The following MAGI2 variants were observed in gnomAD, a reference collection of about 807,000 sequenced individuals.
MAGI2 encodes the protein membrane associated guanylate kinase, WW and PDZ domain containing 2.
MAGI2 carries 35 observed loss-of-function variants against 133.3 expected under a neutral mutation model. The observed-to-expected ratio is 0.26, with a 90% CI of 0.20 to 0.35. MAGI2 has a LOEUF of 0.35. Ranked by LOEUF, MAGI2 falls within the 10% of genes least tolerant of loss-of-function variation. The pLI is 1.00. For synonymous variants in MAGI2, 729 were observed against 710.6 expected (o/e 1.03, Z -0.41); for missense variants, 1,636 against 1,863.4 (o/e 0.88, Z 2.25).
intron 2 of MAGI2, among the ~76,000 whole-genome samples, chr7:78,729,392 T>G (rs1261504647): frequency 6.6e-6 from 1 of 152,126 alleles, no homozygotes; most frequent in East Asian, 1.9e-4. Flanking sequence ...CTAATGAAAC[T>G]AAAAGTCAAT....
intron 1 of MAGI2, among the ~76,000 whole-genome samples, chr7:79,434,781 G>T (rs1449143525): frequency 6.6e-6 from 1 of 152,190 alleles, no homozygotes; most frequent in African/African-American, 2.4e-5. Context: ...GGGGTCCCCA[G>T]CTATTTGGTC....
chr7:78,055,361 A>C (rs567882607), intron 21 of MAGI2, among the ~76,000 whole-genome samples: 74 of 152,196 alleles, frequency 4.9e-4, no homozygotes, highest in Admixed American at 1.2e-3. Context: ...TGCCACTTGC[A>C]GCTCCCAGTG....
chr7:79,330,486 C>T (rs1177338644), intron 1 of MAGI2, among the ~76,000 whole-genome samples: 1 of 152,016 alleles, frequency 6.6e-6, no homozygotes, highest in Non-Finnish European at 1.5e-5. Flanking sequence ...TGAGCCACTG[C>T]GCCCGGCCCA....
chr7:78,900,922 A>T (rs1797576200), intron 2 of MAGI2, among the ~76,000 whole-genome samples: 1 of 152,146 alleles, frequency 6.6e-6, no homozygotes, highest in Non-Finnish European at 1.5e-5. Flanking sequence ...GTCCCAGAAA[A>T]TTCTAGAATT....
chr7:79,306,009 T>C (rs1837762442), intron 1 of MAGI2, among the ~76,000 whole-genome samples: 1 of 150,722 alleles, frequency 6.6e-6, no homozygotes, highest in Admixed American at 6.6e-5. Flanking sequence ...TTTTTCCTTT[T>C]TGGAGACGAG....
intron 16 of MAGI2, among the ~76,000 whole-genome samples, chr7:78,151,482 A>G (rs944512802): frequency 6.6e-6 from 1 of 152,160 alleles, no homozygotes; most frequent in Admixed American, 6.6e-5. Flanking sequence ...CATTAAGGCC[A>G]CTGCCTGGCC....
chr7:79,422,075 C>T (rs1846998230), intron 1 of MAGI2, among the ~76,000 whole-genome samples: 1 of 151,960 alleles, frequency 6.6e-6, no homozygotes, highest in Admixed American at 6.6e-5. Flanking sequence ...AAGTAGGCAG[C>T]CTGGCAGGAC....
At chr7:78,110,732 C>T (rs1288405210) in intron 20 of MAGI2, among the ~76,000 whole-genome samples, 9 of 152,156 alleles carry the variant, frequency 5.9e-5, no homozygotes, top group Non-Finnish European at 1.3e-4. Context: ...CAGCAATGTT[C>T]CACAGGCAGG....
intron 1 of MAGI2, among the ~76,000 whole-genome samples, chr7:79,389,270 G>T (rs1844432042): frequency 6.6e-6 from 1 of 151,846 alleles, no homozygotes; most frequent in Non-Finnish European, 1.5e-5. Flanking sequence ...AAACGCTATG[G>T]TCAGTATGCC....
In MAGI2 at chr7:78,501,673, G is replaced by T; in HGVS notation, c.869C>A (p.Thr290Lys). Reference sequence around the variant, plus strand: ...ATTGTCTTCAGGTTTAGTTGGCTTTGTGTCATCCATCTGCTCCTTCAGCTC... The same window carrying T: ...ATTGTCTTCAGGTTTAGTTGGCTTTTTGTCATCCATCTGCTCCTTCAGCTC... The part of the protein sequence containing the change: ...PEELKEQMDD[T>K]KPTKPEDNEE... Residue 290 changes from threonine to lysine, a missense_variant, in exon 5 of 22, where the codon ACA (threonine) becomes AAA (lysine). Physicochemically the swap from Thr to Lys is moderately conservative, Grantham distance 78. This residue lies in a region of MAGI2 where 165 missense variants were observed against 128.4 expected (regional missense o/e 1.28). Coordinates refer to ENST00000354212, the MANE Select transcript of MAGI2 (RefSeq NM_012301.4). The T allele has an allele frequency of 1.9e-6, 3 of 1,614,058 alleles. No homozygotes were observed. The highest frequency in any genetic ancestry group is 2.5e-6 in the Non-Finnish European group (3 of 1,179,998).
chr7:78,435,202 G>A (rs946332366), intron 6 of MAGI2, among the ~76,000 whole-genome samples: 1 of 152,164 alleles, frequency 6.6e-6, no homozygotes, highest in Admixed American at 6.6e-5. Flanking sequence ...AATGTGTTAA[G>A]AAGGCCTAGC....
chr7:78,688,691 C>T (rs1029241621), intron 2 of MAGI2, among the ~76,000 whole-genome samples: 2 of 152,124 alleles, frequency 1.3e-5, no homozygotes, highest in East Asian at 3.9e-4. Context: ...TAAGCACTGG[C>T]TCCTTTGAAG....
chr7:78,996,439 T>C (rs916878861), intron 2 of MAGI2, among the ~76,000 whole-genome samples: 6 of 152,124 alleles, frequency 3.9e-5, no homozygotes, highest in African/African-American at 9.7e-5. Flanking sequence ...TTCTCACTTA[T>C]AAGTGGGAAC....
At chr7:78,294,944 C>T (rs1284270969) in intron 9 of MAGI2, among the ~76,000 whole-genome samples, 2 of 151,716 alleles carry the variant, frequency 1.3e-5, no homozygotes, top group African/African-American at 2.4e-5. Flanking sequence ...TGATATGTTA[C>T]CATTTTCAGT....
chr7:78,318,641 G>A (rs1339617436), intron 9 of MAGI2, among the ~76,000 whole-genome samples: 1 of 152,134 alleles, frequency 6.6e-6, no homozygotes, highest in Non-Finnish European at 1.5e-5. Flanking sequence ...TATTCCTCAA[G>A]AAGAGCAACC....
chr7:78,051,884 C>CTTTTTT (rs59919639), intron 21 of MAGI2, among the ~76,000 whole-genome samples: 3,154 of 125,698 alleles, frequency 0.025, 57 homozygotes, highest in Non-Finnish European at 0.033. Flanking sequence ...CATACCCAGC[C>CTTTTTT]TTTTTTTTTT....
intron 2 of MAGI2, among the ~76,000 whole-genome samples, chr7:78,917,387 G>T (rs1330714501): frequency 1.3e-5 from 2 of 152,022 alleles, no homozygotes; most frequent in Admixed American, 1.3e-4. Context: ...GGTAAGGGTT[G>T]AATGTGGTCT....
rs1845527449 is a variant in MAGI2, at chr7:79,402,372, A to G, written c.301+50648T>C. 2.6e-5 allele frequency among the ~76,000 whole-genome samples: 4 copies of G among 152,300 alleles called. No homozygotes were observed. In the South Asian group the frequency reaches 8.3e-4, roughly 32 times the overall value. On this transcript the variant is annotated intron_variant, in intron 1 of 21. Transcript: ENST00000354212. ...AGTTCAGAGACAGAGGGAGGGACAT[A>G]GGAAGGCCAAAACTTTCATTTCATG... is the stretch of plus-strand genomic sequence containing the variant.
chr7:79,016,378 A>G (rs1167813630), intron 1 of MAGI2, among the ~76,000 whole-genome samples: 2 of 152,224 alleles, frequency 1.3e-5, no homozygotes, highest in East Asian at 3.9e-4. Flanking sequence ...ATTGCAGTGC[A>G]GCCTCAGAAA....
Sources: gnomAD v4.1 joint callset for allele counts (sites outside exome capture counted in the v4.1 genomes callset) on GRCh38, gnomAD v4.1.1 for gene constraint, gnomAD v4.1.1 regional missense constraint, MANE v1.5 for transcripts, NCBI Gene and HGNC (gene_info 2026-07-23, HGNC 2026-07-21) for gene names.